The following NHSL3 variants were observed in gnomAD, a reference collection of about 807,000 sequenced individuals.
NHSL3 encodes NHS like 3, also known as NHS-like protein 3.
At chr1:32,752,964 T>C in the NHSL3 span, among the ~76,000 whole-genome samples, 327 of 116,802 alleles carry the variant, frequency 2.8e-3, 13 homozygotes, top group Admixed American at 4.3e-3. Context: ...TATATATATA[T>C]ATATTTTGGT....
At chr1:32,771,150 G>T in the NHSL3 span, 1 of 1,612,244 alleles carries the variant, frequency 6.2e-7, no homozygotes, top group Non-Finnish European at 8.5e-7. Context: ...TGGGTGACAG[G>T]TTTGTCATAC....
chr1:32,772,448 T>G, the NHSL3 span: 1,808 of 1,518,046 alleles, frequency 1.2e-3, 4 homozygotes, highest in Non-Finnish European at 1.4e-3. Context: ...TCAGGTACAG[T>G]GGGCAGTGCT....
the NHSL3 span, chr1:32,771,381 C>T: frequency 6.4e-7 from 1 of 1,567,564 alleles, no homozygotes; most frequent in Non-Finnish European, 8.7e-7. Flanking sequence ...CTTCCCCACC[C>T]CCATCTTATC....
At chr1:32,770,685 C>T in the NHSL3 span, 4 of 1,535,222 alleles carry the variant, frequency 2.6e-6, no homozygotes, top group Non-Finnish European at 3.5e-6. This position sits in a 1 kb window ranked among gnomAD's most constrained non-coding sequence, Gnocchi z 8.3. Context: ...CCCCTCCCCG[C>T]CGGACCCACT....
chr1:32,763,632 C>T, the NHSL3 span, among the ~76,000 whole-genome samples: 11 of 152,154 alleles, frequency 7.2e-5, no homozygotes, highest in Non-Finnish European at 1.6e-4. Flanking sequence ...AGTGCAGTAG[C>T]GGGATCTCAG....
At chr1:32,769,452 T>G in the NHSL3 span, among the ~76,000 whole-genome samples, 7 of 152,294 alleles carry the variant, frequency 4.6e-5, no homozygotes, top group African/African-American at 1.7e-4. Context: ...ATAATATGTT[T>G]ACTAAATAGT....
chr1:32,757,910 T>G, the NHSL3 span, among the ~76,000 whole-genome samples: 6 of 152,098 alleles, frequency 3.9e-5, no homozygotes, highest in Non-Finnish European at 8.8e-5. Context: ...CCCGGGGGAT[T>G]TGGACTATGT....
chr1:32,752,082 G>T, the NHSL3 span, among the ~76,000 whole-genome samples: 1 of 152,116 alleles, frequency 6.6e-6, no homozygotes, highest in Non-Finnish European at 1.5e-5. Context: ...GCTGATCTCC[G>T]AGGTCTTTTT....
the NHSL3 span, chr1:32,773,122 G>A: frequency 3.4e-6 from 2 of 584,700 alleles, no homozygotes; most frequent in Non-Finnish European, 6.1e-6. Context: ...TGCCGCTTCA[G>A]TCTTGGCCTT....
At chr1:32,769,831 C>T in the NHSL3 span, 1 of 1,610,622 alleles carries the variant, frequency 6.2e-7, no homozygotes, top group South Asian at 1.1e-5. Context: ...GGTGGGGAGC[C>T]TTGGTCATCC....
the NHSL3 span, among the ~76,000 whole-genome samples, chr1:32,758,022 A>C: frequency 6.6e-6 from 1 of 152,196 alleles, no homozygotes; most frequent in African/African-American, 2.4e-5. Flanking sequence ...GGAAGGGGAA[A>C]TCAAGACTCA....
the NHSL3 span, among the ~76,000 whole-genome samples, chr1:32,763,835 A>G: frequency 6.6e-6 from 1 of 150,536 alleles, no homozygotes; most frequent in African/African-American, 2.4e-5. Flanking sequence ...TGGCCTCCCA[A>G]AGTGCTGGGA....
At chr1:32,752,524 G>C in the NHSL3 span, among the ~76,000 whole-genome samples, 1 of 152,152 alleles carries the variant, frequency 6.6e-6, no homozygotes, top group East Asian at 1.9e-4. Flanking sequence ...AGGTCCCTCA[G>C]CACAAGGACA....
the NHSL3 span, among the ~76,000 whole-genome samples, chr1:32,746,375 G>A: frequency 6.6e-6 from 1 of 152,230 alleles, no homozygotes; most frequent in South Asian, 2.1e-4. Context: ...TTGGAGCCCA[G>A]CAGATAATCA....
chr1:32,769,757 G>C, the NHSL3 span: 19 of 1,613,888 alleles, frequency 1.2e-5, 1 homozygote, highest in South Asian at 1.6e-4. Flanking sequence ...ACTGTGCTGG[G>C]ACTCCCGCAG....
the NHSL3 span, among the ~76,000 whole-genome samples, chr1:32,761,494 C>T: frequency 6.6e-6 from 1 of 152,192 alleles, no homozygotes; most frequent in Non-Finnish European, 1.5e-5. Flanking sequence ...CCACCCCCAT[C>T]TTGGCAGGAG....
the NHSL3 span, among the ~76,000 whole-genome samples, chr1:32,763,998 C>T: frequency 6.6e-6 from 1 of 152,086 alleles, no homozygotes; most frequent in Non-Finnish European, 1.5e-5. Flanking sequence ...TATCTGGGAC[C>T]CCAGCTGTGA....
chr1:32,753,819 C>T, the NHSL3 span, among the ~76,000 whole-genome samples: 12,601 of 152,250 alleles, frequency 0.083, 578 homozygotes, highest in South Asian at 0.11. Context: ...GCCAGGCCTT[C>T]CCCTGTGCGC....
chr1:32,741,990 C>A, the NHSL3 span: 13 of 1,192,090 alleles, frequency 1.1e-5, no homozygotes, highest in Middle Eastern at 3.3e-4. The surrounding 1 kb of genome is among the most constrained non-coding windows in gnomAD (Gnocchi z 4.3). Flanking sequence ...CACCTGCGGC[C>A]GAGGAGCCGG....
Sources: gnomAD v4.1 joint callset for allele counts (sites outside exome capture counted in the v4.1 genomes callset) on GRCh38, gnomAD v4.1.1 for gene constraint, Gnocchi (gnomAD v3.1) non-coding constraint, MANE v1.5 for transcripts, NCBI Gene and HGNC (gene_info 2026-07-23, HGNC 2026-07-21) for gene names.